The following DCDC1 variants were observed in gnomAD, a reference collection of about 807,000 sequenced individuals.
DCDC1 encodes the protein doublecortin domain containing 1, also known as doublecortin domain-containing protein 1.
Under a neutral mutation model 178.3 loss-of-function variants are expected in DCDC1, and 200 were observed. The ratio of observed to expected loss-of-function variants is 1.12; its 90% CI spans 1.00 to 1.26. The LOEUF (loss-of-function observed/expected upper bound fraction) is 1.26. Ranked by LOEUF, DCDC1 falls within the 50% of genes most tolerant of loss-of-function variation. The pLI is 0.00. For synonymous variants in DCDC1, 690 were observed against 604.8 expected, an observed-to-expected ratio of 1.14 and a Z score of -2.07; for missense variants, 1,983 against 1,749.2, an observed-to-expected ratio of 1.13 and a Z score of -2.38.
chr11:30,909,092 C>T lies in DCDC1; in HGVS notation c.3772G>A (p.Ala1258Thr). The T allele has an allele frequency of 6.2e-7, 1 of 1,610,652 alleles. No individual in the cohort carries two copies. Among genetic ancestry groups the T allele is most frequent in the Non-Finnish European group, 8.5e-7 (1 of 1,177,862 alleles). The change falls in exon 29 of 39, where the codon GCT becomes ACT. Residue 1258 changes from alanine (A) to threonine (T), a missense_variant. Transcript: ENST00000684477. ...ATGTAATGCCACTTTTGATTGGCAG[C>T]TCCATTGTTGTACGGCTTATATTTC... ...VQKYKPYNNG[A>T]ANQKWHYMKN...
intron 8 of DCDC1, among the ~76,000 whole-genome samples, chr11:31,247,681 T>C (rs1410322319): frequency 2.0e-5 from 3 of 152,004 alleles, no homozygotes; most frequent in Non-Finnish European, 4.4e-5. Context: ...TCCACCACCA[T>C]GCACATCTTT....
At chr11:31,074,753 G>A (rs1956766880) in intron 18 of DCDC1, among the ~76,000 whole-genome samples, 1 of 152,172 alleles carries the variant, frequency 6.6e-6, no homozygotes, top group Non-Finnish European at 1.5e-5. Flanking sequence ...AAATGTGGAA[G>A]TAGCTTTGGA....
At chr11:31,130,556 T>G (rs1335652602) in intron 10 of DCDC1, among the ~76,000 whole-genome samples, 1 of 152,144 alleles carries the variant, frequency 6.6e-6, no homozygotes, top group East Asian at 1.9e-4. Context: ...AGCCAACATG[T>G]AAAGTGAGCA....
chr11:31,241,852 C>T (rs577079801), intron 8 of DCDC1: 36 of 296,934 alleles, frequency 1.2e-4, no homozygotes, highest in Non-Finnish European at 1.9e-4. Flanking sequence ...CTGAATAGTT[C>T]TGAAGTGTGC....
At chr11:31,181,766 C>A (rs1351605792) in intron 9 of DCDC1, among the ~76,000 whole-genome samples, 1 of 152,016 alleles carries the variant, frequency 6.6e-6, no homozygotes, top group Non-Finnish European at 1.5e-5. Context: ...GAGGAAAAAC[C>A]AGCACAAAAC....
chr11:31,283,903 T>G (rs1392739006), intron 7 of DCDC1, among the ~76,000 whole-genome samples: 1 of 152,166 alleles, frequency 6.6e-6, no homozygotes, highest in Non-Finnish European at 1.5e-5. Flanking sequence ...GATGTCTTTC[T>G]CTTCAGTTTA....
Position 30,899,651 on chromosome 11 carries a change from A to T in DCDC1, c.4664-9T>A. ...TTCTGCTTTCTGCAAAGCTAGAATA[A>T]TAAAAATACAAGATATTTTATCAAC... On this transcript the variant is annotated splice_polypyrimidine_tract_variant and intron_variant, in intron 33 of 38. Coordinates refer to ENST00000684477, the MANE Select transcript of DCDC1 (RefSeq NM_001387274.1). 6.6e-7 allele frequency: 1 copy of T among 1,511,698 alleles called. No homozygotes were observed. The highest frequency in any genetic ancestry group is 1.7e-4 in the Middle Eastern group (1 of 5,754). The allele number at this position is 1,511,698 out of a possible 1,614,324, so 93.6% of individuals were successfully genotyped here. A position where few individuals can be genotyped will look rare whatever the true frequency, so the allele number is the denominator to read the frequency against.
chr11:31,358,663 G>A (rs1290709010), intron 1 of DCDC1, among the ~76,000 whole-genome samples: 1 of 152,046 alleles, frequency 6.6e-6, no homozygotes, highest in East Asian at 1.9e-4. Context: ...CCTACAAAAT[G>A]GGACAAAATT....
intron 36 of DCDC1, among the ~76,000 whole-genome samples, chr11:30,888,107 A>G (rs1322163667): frequency 1.3e-5 from 1 of 78,256 alleles, no homozygotes; most frequent in African/African-American, 5.0e-5. Flanking sequence ...AAAAAGAAAG[A>G]AAGAAAGAAA....
At chr11:31,189,728 C>T (rs1216135321) in intron 9 of DCDC1, among the ~76,000 whole-genome samples, 1 of 152,154 alleles carries the variant, frequency 6.6e-6, no homozygotes, top group Non-Finnish European at 1.5e-5. Context: ...TCCATCATCA[C>T]ATCCCCTTCT....
intron 18 of DCDC1, among the ~76,000 whole-genome samples, chr11:31,065,406 T>C (rs1165171286): frequency 6.6e-6 from 1 of 152,150 alleles, no homozygotes; most frequent in Non-Finnish European, 1.5e-5. Flanking sequence ...ATTAAAACAG[T>C]AAAACAATCT....
At chr11:31,213,100 C>CGTGTGT (rs1972851664) in intron 9 of DCDC1, among the ~76,000 whole-genome samples, 1 of 44,242 alleles carries the variant, frequency 2.3e-5, no homozygotes, top group African/African-American at 8.5e-5. Flanking sequence ...TAAAGCCCAG[C>CGTGTGT]CTCTCTCTCT....
chr11:31,078,133 C>A (rs529670777), intron 17 of DCDC1, among the ~76,000 whole-genome samples: 38 of 152,120 alleles, frequency 2.5e-4, no homozygotes, highest in Non-Finnish European at 4.9e-4. Context: ...GTACCCTAAG[C>A]GGGGTAAGTA....
At position 30,952,855 on chromosome 11, in the gene DCDC1, A is replaced by G. The variant is rs1948516150; in HGVS notation, c.2592-287T>C. ...GTAGAATAACAGTCCTTTTATAATAACAATGACATAAATAACAATATTAAC... is the reference window on the plus strand; with the variant it reads ...GTAGAATAACAGTCCTTTTATAATAGCAATGACATAAATAACAATATTAAC... On this transcript the variant is annotated intron_variant, in intron 20 of 38. Coordinates refer to ENST00000684477, the MANE Select transcript of DCDC1 (RefSeq NM_001387274.1). 5.3e-5 allele frequency among the ~76,000 whole-genome samples: 8 copies of G among 152,286 alleles called. No individual in the cohort carries two copies. The South Asian group carries it at 1.7e-3, about 32-fold the overall frequency.
intron 9 of DCDC1, among the ~76,000 whole-genome samples, chr11:31,218,202 AG>A (rs1463290636): frequency 6.6e-6 from 1 of 152,120 alleles, no homozygotes; most frequent in Non-Finnish European, 1.5e-5. Flanking sequence ...GAAAAAGAAG[AG>A]AAAATATTTC....
intron 20 of DCDC1, among the ~76,000 whole-genome samples, chr11:30,974,232 G>T (rs1272369048): frequency 6.7e-6 from 1 of 149,514 alleles, no homozygotes; most frequent in Non-Finnish European, 1.5e-5. Context: ...TACAGTAAAA[G>T]CAGTGCTAAG....
chr11:31,342,749 T>C (rs1950611198), intron 1 of DCDC1, among the ~76,000 whole-genome samples: 1 of 152,072 alleles, frequency 6.6e-6, no homozygotes, highest in Non-Finnish European at 1.5e-5. Flanking sequence ...GATTAAAGAG[T>C]AAAACCACTT....
At chr11:30,968,765 TCC>T (rs1949616350) in intron 20 of DCDC1, among the ~76,000 whole-genome samples, 1 of 126,660 alleles carries the variant, frequency 7.9e-6, no homozygotes, top group Non-Finnish European at 1.7e-5. Context: ...GTTTCAGGCA[TCC>T]ACTAGGGGTC....
intron 10 of DCDC1, 74 bp downstream of exon 10, chr11:31,137,618 G>A (rs1442116673): frequency 1.5e-6 from 1 of 660,096 alleles, no homozygotes; most frequent in Non-Finnish European, 2.8e-6. Flanking sequence ...AAAGTGCGGG[G>A]ATTACAGGCG....
Sources: gnomAD v4.1 joint callset for allele counts (sites outside exome capture counted in the v4.1 genomes callset) on GRCh38, gnomAD v4.1.1 for gene constraint, MANE v1.5 for transcripts, NCBI Gene and HGNC (gene_info 2026-07-23, HGNC 2026-07-21) for gene names.